MECOM: variants seen among roughly 807,000 people sequenced by gnomAD.
MECOM encodes MDS1 and EVI1 complex locus, also known as histone-lysine N-methyltransferase MECOM.
A neutral mutation model predicts 116.3 loss-of-function variants in MECOM; 13 were observed. That is an observed-to-expected ratio of 0.11 (90% CI 0.07 to 0.18). The LOEUF is 0.18. Among genes scored for constraint, MECOM ranks in the 10% least tolerant of loss-of-function variants. The pLI, the probability that MECOM is intolerant of heterozygous loss-of-function variation, is 1.00. For missense variants in MECOM, 1,299 were observed against 1,509.0 expected, an observed-to-expected ratio of 0.86 and a Z score of 2.31; for synonymous variants, 528 against 535.2, an observed-to-expected ratio of 0.99 and a Z score of 0.19.
chr3:169,589,478 G>A (rs796825819), intron 1 of MECOM, among the ~76,000 whole-genome samples: 38 of 152,200 alleles, frequency 2.5e-4, no homozygotes, highest in African/African-American at 8.9e-4. Context: ...ATAGGTAACT[G>A]CAGGTCCTAG....
At chr3:169,494,188 T>C (rs1560352715) in intron 1 of MECOM, among the ~76,000 whole-genome samples, 1 of 152,054 alleles carries the variant, frequency 6.6e-6, no homozygotes, top group Non-Finnish European at 1.5e-5. Flanking sequence ...GGGGACAATC[T>C]CAGTTTTTAT....
chr3:169,117,211 A>G (rs1168130892), intron 7 of MECOM, among the ~76,000 whole-genome samples: 1 of 152,150 alleles, frequency 6.6e-6, no homozygotes, highest in East Asian at 1.9e-4. Flanking sequence ...CCTCAACCAG[A>G]AACTTCACCT....
chr3:169,648,748 A>G (rs2421748), intron 1 of MECOM, among the ~76,000 whole-genome samples: 82,333 of 152,108 alleles, frequency 0.54, 24,045 homozygotes, highest in African/African-American at 0.77. Context: ...GCCAGCCTGA[A>G]AGACAAGCCA....
chr3:169,396,318 A>G (rs1355053805), intron 1 of MECOM, among the ~76,000 whole-genome samples: 1 of 152,188 alleles, frequency 6.6e-6, no homozygotes, highest in Non-Finnish European at 1.5e-5. Flanking sequence ...CAGTTTCTTT[A>G]TTCATATTTG....
At chr3:169,242,364 A>G (rs914217610) in intron 2 of MECOM, among the ~76,000 whole-genome samples, 1 of 152,164 alleles carries the variant, frequency 6.6e-6, no homozygotes, top group Admixed American at 6.5e-5. Context: ...TTTAACAGAA[A>G]GTGTCTCAAG....
At chr3:169,616,763 G>T (rs1020709224) in intron 1 of MECOM, among the ~76,000 whole-genome samples, 3 of 152,104 alleles carry the variant, frequency 2.0e-5, no homozygotes, top group Non-Finnish European at 4.4e-5. Flanking sequence ...TTTAGAGTTG[G>T]GTCAATTAAT....
At chr3:169,107,865 G>A (rs1725947743) in intron 10 of MECOM, 61 bp downstream of exon 10, 1 of 1,372,700 alleles carries the variant, frequency 7.3e-7, no homozygotes, top group Non-Finnish European at 1.0e-6. Flanking sequence ...AATTTAGAAT[G>A]TAAGCTGTTT....
chr3:169,111,514 T>C (rs563669336), intron 9 of MECOM, among the ~76,000 whole-genome samples: 218 of 152,258 alleles, frequency 1.4e-3, no homozygotes, highest in Non-Finnish European at 2.4e-3. Flanking sequence ...TTTAGATCAG[T>C]CTAAATATAA....
intron 2 of MECOM, among the ~76,000 whole-genome samples, chr3:169,347,829 G>A (rs762767997): frequency 2.0e-5 from 3 of 151,900 alleles, no homozygotes; most frequent in Admixed American, 6.6e-5. Context: ...CCACATAAAC[G>A]CCCAATAAAT....
chr3:169,183,753 TACATACATACACACAC>T (rs1746299916), intron 2 of MECOM, among the ~76,000 whole-genome samples: 1 of 95,458 alleles, frequency 1.0e-5, no homozygotes, highest in Non-Finnish European at 2.1e-5. Context: ...CTGTAGAAGA[TACATACATACACACAC>T]ACACACACAC....
At chr3:169,097,350 T>G (rs568829719) in intron 12 of MECOM, among the ~76,000 whole-genome samples, 1 of 152,118 alleles carries the variant, frequency 6.6e-6, no homozygotes, top group Non-Finnish European at 1.5e-5. Context: ...AGAAAAAGAA[T>G]GTTCTAAATA....
At chr3:169,537,795 A>G (rs1759574398) in intron 1 of MECOM, among the ~76,000 whole-genome samples, 1 of 152,104 alleles carries the variant, frequency 6.6e-6, no homozygotes, top group Non-Finnish European at 1.5e-5. Flanking sequence ...AAAACAAAGT[A>G]AAAAAATAAA....
chr3:169,252,225 A>G (rs1756331595), intron 2 of MECOM, among the ~76,000 whole-genome samples: 1 of 152,174 alleles, frequency 6.6e-6, no homozygotes, highest in Non-Finnish European at 1.5e-5. Flanking sequence ...ATTTATTTAT[A>G]TATACTAGCC....
intron 16 of MECOM, among the ~76,000 whole-genome samples, chr3:169,085,901 A>T (rs2148815538): frequency 6.6e-6 from 1 of 152,274 alleles, no homozygotes; most frequent in South Asian, 2.1e-4. Context: ...TTCACTGTTG[A>T]TTTGCTATTG....
intron 1 of MECOM, among the ~76,000 whole-genome samples, chr3:169,485,302 C>G (rs1449680786): frequency 3.3e-5 from 5 of 152,110 alleles, no homozygotes; most frequent in Admixed American, 1.3e-4. Flanking sequence ...GCCGCTCTTG[C>G]TCTTTTAAAT....
At chr3:169,577,096 T>C (rs1434294913) in intron 1 of MECOM, among the ~76,000 whole-genome samples, 1 of 152,168 alleles carries the variant, frequency 6.6e-6, no homozygotes, top group African/African-American at 2.4e-5. Context: ...TGAGTGACTA[T>C]AAGCAAGTGA....
At chr3:169,642,831 A>G (rs919530068) in intron 1 of MECOM, among the ~76,000 whole-genome samples, 3 of 152,084 alleles carry the variant, frequency 2.0e-5, no homozygotes, top group Non-Finnish European at 4.4e-5. Context: ...CTCCTTGGCC[A>G]ACTGAATGAT....
intron 2 of MECOM, chr3:169,146,515 C>G: frequency 7.2e-7 from 1 of 1,379,400 alleles, no homozygotes; most frequent in East Asian, 3.6e-5. Flanking sequence ...GTGTCCAGAC[C>G]GCACCGTTTC....
rs58305719 is a variant in MECOM, at chr3:169,414,414, A to G, written c.38-32890T>C. Among the ~76,000 whole-genome samples, 1,339 of 152,342 alleles carry G rather than the reference A, an allele frequency of 8.8e-3. 21 individuals are homozygous for G. The highest frequency in any genetic ancestry group is 0.031 in the African/African-American group (1,289 of 41,578). On this transcript the variant is annotated intron_variant, in intron 1 of 16. Transcript: ENST00000651503. ...GCAAAGATGAAAGGTAGATAAATCC[A>G]TGAAGATGGGGAAAAACCAGCACAA...
Sources: allele counts gnomAD v4.1 joint callset (sites outside exome capture counted in the v4.1 genomes callset), GRCh38; gene constraint gnomAD v4.1.1; transcripts MANE v1.5; gene names NCBI Gene and HGNC (gene_info 2026-07-23, HGNC 2026-07-21).